The following ABHD1 variants were observed in gnomAD, a reference collection of about 807,000 sequenced individuals.
ABHD1 encodes the protein abhydrolase domain containing 1.
A neutral mutation model predicts 41.4 loss-of-function variants in ABHD1; 47 were observed. The observed-to-expected ratio is 1.13, with a 90% CI of 0.90 to 1.45. ABHD1 has a LOEUF of 1.45. ABHD1 is among the 40% of genes most tolerant of loss of function. The probability of loss-of-function intolerance (pLI) is 0.00; values close to 1 mark genes in which losing one functional copy is unlikely to be tolerated. For synonymous variants in ABHD1, 205 were observed against 203.7 expected (o/e 1.01, Z -0.05); for missense variants, 550 against 503.4 (o/e 1.09, Z -0.89).
intron 1 of ABHD1, 168 bp downstream of exon 1, chr2:27,124,230 C>T: frequency 1.4e-6 from 1 of 715,554 alleles, no homozygotes; most frequent in Non-Finnish European, 2.5e-6. Flanking sequence ...CTCTGCATCC[C>T]ATGTGATCCC....
In ABHD1 at chr2:27,130,444, G is replaced by A. The variant is rs919225070; in HGVS notation, c.1006+28G>A. 8 of 1,613,504 alleles carry A rather than the reference G, an allele frequency of 5.0e-6. No individual in the cohort carries two copies. In the East Asian group the frequency reaches 6.7e-5, roughly 13 times the overall value. The stretch of plus-strand genomic sequence containing the variant: ...GAGTACTCTGATTCAGGACACTTTG[G>A]CCCCAAGGAAAATGGGCCATGAGGG... On this transcript the variant is annotated intron_variant, in intron 8 of 8. Coordinates refer to ENST00000316470, the MANE Select transcript of ABHD1 (RefSeq NM_032604.4).
rs776060710 is a variant in ABHD1, at chr2:27,124,080, G to T, written c.114+18G>T. ...TGCTTCAGGTGGGTGCGGGTCCACC[G>T]CTCTGGCCAGCGGGTTTGGGTGTAG... On this transcript the variant is annotated intron_variant, in intron 1 of 8. Coordinates refer to ENST00000316470, the MANE Select transcript of ABHD1 (RefSeq NM_032604.4). 1 of 1,605,824 alleles carries T rather than the reference G, an allele frequency of 6.2e-7. No individual in the cohort carries two copies. The highest frequency in any genetic ancestry group is 1.3e-5 in the African/African-American group (1 of 74,886).
chr2:27,129,376 T>G lies in ABHD1; in HGVS notation c.504+15T>G. ...AGGAACTGCGGGTGAGTAGCTGCCTTCCTCATAGCAGCCCTTCACCCACTC... is the reference window on the plus strand; with the variant it reads ...AGGAACTGCGGGTGAGTAGCTGCCTGCCTCATAGCAGCCCTTCACCCACTC... On this transcript the variant is annotated intron_variant, in intron 4 of 8. Coordinates refer to ENST00000316470, the MANE Select transcript of ABHD1 (RefSeq NM_032604.4). The G allele has an allele frequency of 6.2e-7, 1 of 1,614,092 alleles. No homozygotes were observed. The highest frequency in any genetic ancestry group is 8.5e-7 in the Non-Finnish European group (1 of 1,179,990).
chr2:27,128,546 C>T lies in ABHD1; in HGVS notation c.220C>T (p.Leu74=), dbSNP rs1672073275. The T allele has an allele frequency of 1.2e-6, 2 of 1,614,084 alleles. No homozygotes were observed. Among genetic ancestry groups the T allele is most frequent in the Non-Finnish European group, 1.7e-6 (2 of 1,180,018 alleles). ...AACGCTGTGGTGTTTTGAGGGGCGA[C>T]TACAAAGCATCTTCCAAGTCCTCCT... ...YPTLWCFEGR[L]QSIFQVLLQS... is the part of the protein sequence containing the mutation. The change falls in exon 2 of 9, where the codon CTA becomes TTA. Residue 74 remains leucine (L), a synonymous_variant. Coordinates refer to ENST00000316470, the MANE Select transcript of ABHD1 (RefSeq NM_032604.4).
Position 27,130,116 on chromosome 2 carries a change from T to C in ABHD1, c.803T>C (p.Val268Ala), listed in dbSNP as rs757637123. The change falls in exon 7 of 9, where the codon GTG (valine) becomes GCG (alanine). Residue 268 changes from valine (V) to alanine (A), a missense_variant. Val to Ala is a moderately conservative substitution (Grantham distance 64, BLOSUM62 0). Transcript: ENST00000316470. Reference sequence around the variant, plus strand: ...ATGTACTTTTGCAGAAACAGAAAGGTGATTGAAAAGGTGGTGGACATAGAC... The same window carrying C: ...ATGTACTTTTGCAGAAACAGAAAGGCGATTGAAAAGGTGGTGGACATAGAC... ...LCQLVERNRK[V>A]IEKVVDIDFV... 3 of 1,614,074 alleles carry C rather than the reference T, an allele frequency of 1.9e-6. No individual in the cohort carries two copies. Among genetic ancestry groups the C allele is most frequent in the South Asian group, 2.2e-5 (2 of 91,080 alleles).
chr2:27,128,489 C>A lies in ABHD1; in HGVS notation c.163C>A (p.His55Asn). Residue 55 changes from histidine (H) to asparagine (N), a missense_variant, in exon 2 of 9, where the codon CAC (histidine) becomes AAC (asparagine). Transcript: ENST00000316470. ...GPQFLAFLEP[H>N]CSITTETFYP... is the part of the protein sequence containing the mutation. ...GCAGTTTCTGGCCTTCCTGGAGCCA[C>A]ACTGTTCCATCACCACCGAGACTTT... The A allele has an allele frequency of 6.2e-7, 1 of 1,610,186 alleles. No homozygotes were observed. Among genetic ancestry groups the A allele is most frequent in the South Asian group, 1.1e-5 (1 of 90,892 alleles).
chr2:27,128,383 G>A (rs777261230), intron 1 of ABHD1, 58 bp from the exon 2 acceptor site: 1 of 1,609,216 alleles, frequency 6.2e-7, no homozygotes, highest in Non-Finnish European at 8.5e-7. Flanking sequence ...GGTGTTGGGT[G>A]CCTCACTAGC....
chr2:27,129,291 T>C lies in ABHD1; in HGVS notation c.459-25T>C, dbSNP rs1244938582. The C allele has an allele frequency of 3.1e-6, 5 of 1,613,898 alleles. No individual in the cohort carries two copies. In the East Asian group the frequency reaches 8.9e-5, roughly 29 times the overall value. On this transcript the variant is annotated intron_variant, in intron 3 of 8. Coordinates refer to ENST00000316470, the MANE Select transcript of ABHD1 (RefSeq NM_032604.4). ...GGAGAGGGGCTAAGAAGGGTCTGGC[T>C]AAGATGTACCTGTGTGTGCCACAGG...
At chr2:27,127,879 A>G (rs1168329566) in intron 1 of ABHD1, among the ~76,000 whole-genome samples, 1 of 151,920 alleles carries the variant, frequency 6.6e-6, no homozygotes, top group East Asian at 1.9e-4. Flanking sequence ...TTCAACTGCA[A>G]AGTAAAGGCT....
intron 2 of ABHD1, 47 bp from the exon 3 acceptor site, chr2:27,128,898 A>G (rs1672091801): frequency 2.5e-6 from 4 of 1,582,322 alleles, no homozygotes; most frequent in Non-Finnish European, 3.4e-6. Context: ...TTTGAATTAC[A>G]TTAAGTTCTT....
At chr2:27,129,652 G>C (rs1389900805) in intron 5 of ABHD1, 26 bp downstream of exon 5, 2 of 1,610,590 alleles carry the variant, frequency 1.2e-6, no homozygotes, top group Non-Finnish European at 1.7e-6. Context: ...GCTTAGCCCA[G>C]AGGCCCAGTC....
At chr2:27,128,801 CCTTA>C (rs1672086302) in intron 2 of ABHD1, 140 bp from the exon 3 acceptor site, 5 of 1,211,022 alleles carry the variant, frequency 4.1e-6, no homozygotes, top group South Asian at 3.0e-5. Flanking sequence ...CATTGTCAAG[CCTTA>C]CTGTTTTACA....
rs370905832 is a variant in ABHD1 at position 27,128,640 on chromosome 2, G to C, written c.275+39G>C. The C allele has an allele frequency of 2.5e-6, 4 of 1,605,442 alleles. No homozygotes were observed. In the African/African-American group the frequency reaches 5.4e-5, roughly 22 times the overall value. On this transcript the variant is annotated intron_variant, in intron 2 of 8. Coordinates refer to ENST00000316470, the MANE Select transcript of ABHD1 (RefSeq NM_032604.4). The stretch of plus-strand genomic sequence containing the variant: ...GAACAGGGTGAACATGAAACCCCAG[G>C]TATCTAGGGAAAAACCTATCTACCA...
intron 2 of ABHD1, 137 bp from the exon 3 acceptor site, chr2:27,128,808 G>T: frequency 8.0e-7 from 1 of 1,251,634 alleles, no homozygotes; most frequent in South Asian, 1.5e-5. Context: ...AAGCCTTACT[G>T]TTTTACATGA....
Position 27,129,812 on chromosome 2 carries a change from C to G in ABHD1, c.676C>G (p.Leu226Val). The G allele has an allele frequency of 1.2e-6, 2 of 1,614,238 alleles. No individual in the cohort carries two copies. The highest frequency in any genetic ancestry group is 1.7e-6 in the Non-Finnish European group (2 of 1,180,042). ...GCAGGCTGCAGGGCTGGTGGCAGCA[C>G]TGACTCTGTCTGCATGCTGGGATTC... is the stretch of plus-strand genomic sequence containing the variant. ...ARQAAGLVAA[L>V]TLSACWDSFE... Residue 226 changes from leucine (L) to valine (V), a missense_variant, in exon 6 of 9, where the codon CTG (leucine) becomes GTG (valine). Leu to Val is a conservative substitution (Grantham distance 32). Transcript: ENST00000316470.
chr2:27,129,202 A>ATATT, intron 3 of ABHD1, 75 bp downstream of exon 3: 1 of 1,591,866 alleles, frequency 6.3e-7, no homozygotes, highest in Non-Finnish European at 8.6e-7. Flanking sequence ...CCGGACACTG[A>ATATT]TAGATAAGAA....
Position 27,128,491 on chromosome 2 carries a change from C to T in ABHD1, c.165C>T (p.His55=), listed in dbSNP as rs759049405. Residue 55 remains histidine (H), a synonymous_variant, in exon 2 of 9, where the codon CAC becomes CAT. Transcript: ENST00000316470. ...AGTTTCTGGCCTTCCTGGAGCCACA[C>T]TGTTCCATCACCACCGAGACTTTCT... ...GPQFLAFLEP[H]CSITTETFYP... is the part of the protein sequence containing the mutation. 6.2e-7 allele frequency: 1 copy of T among 1,604,042 alleles called. No individual in the cohort carries two copies. Among genetic ancestry groups the T allele is most frequent in the Non-Finnish European group, 8.5e-7 (1 of 1,176,152 alleles).
rs1225805700 is a variant in ABHD1 at position 27,129,015 on chromosome 2, G to C, written c.346G>C (p.Asp116His). Residue 116 changes from aspartate (D) to histidine (H), a missense_variant, in exon 3 of 9, where the codon GAC (aspartate) becomes CAC (histidine). Transcript: ENST00000316470. ...GGCCAAGCAGCCTGACAGCAGCCAA[G>C]ACCCTGATCCTACTACCCAGCCCAT... is the stretch of plus-strand genomic sequence containing the variant. ...DWAKQPDSSQ[D>H]PDPTTQPIVL... 6.2e-7 allele frequency: 1 copy of C among 1,614,210 alleles called. No homozygotes were observed. Among genetic ancestry groups the C allele is most frequent in the East Asian group, 2.2e-5 (1 of 44,886 alleles).
Position 27,129,038 on chromosome 2 carries a change from C to G in ABHD1, c.369C>G (p.Pro123=), listed in dbSNP as rs775803120. ...AAGACCCTGATCCTACTACCCAGCC[C>G]ATTGTGCTGCTGCTTCCTGGCATCA... ...SSQDPDPTTQ[P]IVLLLPGITG... is the part of the protein sequence containing the mutation. Residue 123 remains proline, a synonymous_variant, in exon 3 of 9, where the codon CCC becomes CCG. Transcript: ENST00000316470. 37 of 1,614,078 alleles carry G rather than the reference C, an allele frequency of 2.3e-5. No individual in the cohort carries two copies. The highest frequency in any genetic ancestry group is 3.0e-5 in the Non-Finnish European group (35 of 1,180,044).
Sources: allele counts gnomAD v4.1 joint callset (sites outside exome capture counted in the v4.1 genomes callset), GRCh38; gene constraint gnomAD v4.1.1; transcripts MANE v1.5; gene names NCBI Gene and HGNC (gene_info 2026-07-23, HGNC 2026-07-21).